AFF3: variants seen among roughly 807,000 people sequenced by gnomAD.
The protein encoded by AFF3 is AF4/FMR2 family member 3.
Under a neutral mutation model 129.7 loss-of-function variants are expected in AFF3, and 32 were observed. The observed-to-expected ratio is 0.25, with a 90% CI of 0.19 to 0.33. The LOEUF (loss-of-function observed/expected upper bound fraction) is 0.33, where lower values mean the gene tolerates loss of function less well. Among genes scored for constraint, AFF3 ranks in the 10% least tolerant of loss-of-function variants. The pLI is 1.00. For synonymous variants in AFF3, 644 were observed against 635.4 expected, an observed-to-expected ratio of 1.01 and a Z score of -0.20; for missense variants, 1,373 against 1,592.0, an observed-to-expected ratio of 0.86 and a Z score of 2.34.
At chr2:99,699,847 G>A (rs1312346658) in intron 11 of AFF3, among the ~76,000 whole-genome samples, 1 of 152,200 alleles carries the variant, frequency 6.6e-6, no homozygotes, top group Non-Finnish European at 1.5e-5. Context: ...GGCAACTGCT[G>A]AAAGGGAATC....
At chr2:99,999,334 G>A (rs535643609) in intron 7 of AFF3, among the ~76,000 whole-genome samples, 1 of 152,332 alleles carries the variant, frequency 6.6e-6, no homozygotes, top group Admixed American at 6.5e-5. Context: ...GATTACGGAG[G>A]CCCCAACACG....
chr2:99,881,365 A>C (rs1222341658), intron 7 of AFF3, among the ~76,000 whole-genome samples: 1 of 151,812 alleles, frequency 6.6e-6, no homozygotes, highest in African/African-American at 2.4e-5. Context: ...TCAAAATGTA[A>C]ATTAAATAGC....
chr2:100,056,149 C>A (rs73966411), intron 4 of AFF3, among the ~76,000 whole-genome samples: 8,145 of 151,458 alleles, frequency 0.054, 630 homozygotes, highest in African/African-American at 0.17. Context: ...TGTATTATCA[C>A]GCTAGTCACA....
At chr2:99,861,829 G>A (rs1033493543) in intron 7 of AFF3, among the ~76,000 whole-genome samples, 1 of 151,878 alleles carries the variant, frequency 6.6e-6, no homozygotes, top group African/African-American at 2.4e-5. Flanking sequence ...CATCCTAATT[G>A]GTGTTTTTGT....
At position 99,952,870 on chromosome 2, in the gene AFF3, A is replaced by G. The variant is rs1676294586; in HGVS notation, c.873+53762T>C. Among the ~76,000 whole-genome samples, 5 of 152,272 alleles carry G rather than the reference A, an allele frequency of 3.3e-5. No individual in the cohort carries two copies. The South Asian group carries it at 1.0e-3, about 32-fold the overall frequency. ...GCAAATCCTGCCTCTCGAACTTACTATGTGACCACAGGTGAGTTGTTGAAT... is the reference window on the plus strand; with the variant it reads ...GCAAATCCTGCCTCTCGAACTTACTGTGTGACCACAGGTGAGTTGTTGAAT... On this transcript the variant is annotated intron_variant, in intron 7 of 24. Coordinates refer to ENST00000672756, the MANE Select transcript of AFF3 (RefSeq NM_001386135.1).
chr2:100,140,569 T>C (rs1339007589), intron 1 of AFF3, among the ~76,000 whole-genome samples: 2 of 152,158 alleles, frequency 1.3e-5, no homozygotes, highest in Admixed American at 1.3e-4. Context: ...TAAGCATAAT[T>C]GCAATGGCTC....
intron 4 of AFF3, among the ~76,000 whole-genome samples, chr2:100,059,445 A>C (rs2105215594): frequency 6.6e-6 from 1 of 152,270 alleles, no homozygotes; most frequent in Admixed American, 6.5e-5. Context: ...AAGACACATA[A>C]TTAAAAAGTC....
intron 8 of AFF3, among the ~76,000 whole-genome samples, chr2:99,788,700 C>T (rs1162240207): frequency 1.3e-5 from 2 of 152,158 alleles, no homozygotes; most frequent in East Asian, 3.9e-4. Context: ...TCTAAGTTCA[C>T]AGTGTACAGT....
At chr2:99,911,555 T>C (rs758890204) in intron 7 of AFF3, among the ~76,000 whole-genome samples, 3 of 152,280 alleles carry the variant, frequency 2.0e-5, no homozygotes, top group Non-Finnish European at 2.9e-5. Flanking sequence ...CTAGGACTCA[T>C]ACTGAACTTT....
At chr2:99,820,091 A>C (rs930711474) in intron 8 of AFF3, among the ~76,000 whole-genome samples, 3 of 152,208 alleles carry the variant, frequency 2.0e-5, no homozygotes, top group Non-Finnish European at 4.4e-5. Context: ...GGAACTATCA[A>C]AGGCACAGTC....
intron 7 of AFF3, among the ~76,000 whole-genome samples, chr2:99,862,517 G>A (rs1054928501): frequency 2.0e-5 from 3 of 152,186 alleles, no homozygotes; most frequent in African/African-American, 7.2e-5. Flanking sequence ...TAATTTTTCA[G>A]GTGCATTTAC....
chr2:99,816,858 C>A (rs533640400), intron 8 of AFF3, among the ~76,000 whole-genome samples: 2 of 152,182 alleles, frequency 1.3e-5, no homozygotes, highest in South Asian at 4.2e-4. Flanking sequence ...TTGTGTTCTT[C>A]TTTTCTCCTC....
At chr2:99,615,238 C>A (rs1575512307) in intron 13 of AFF3, among the ~76,000 whole-genome samples, 2 of 152,292 alleles carry the variant, frequency 1.3e-5, no homozygotes, top group Non-Finnish European at 2.9e-5. Context: ...GGTAGAGGGC[C>A]CTGGAGGACG....
At chr2:100,011,957 C>G (rs1421063506) in intron 4 of AFF3, among the ~76,000 whole-genome samples, 1 of 152,032 alleles carries the variant, frequency 6.6e-6, no homozygotes, top group Non-Finnish European at 1.5e-5. Flanking sequence ...CCTGCCTCAT[C>G]CCCCAACCCC....
chr2:99,710,247 TTCAG>T (rs1677775531), intron 11 of AFF3, among the ~76,000 whole-genome samples: 1 of 152,166 alleles, frequency 6.6e-6, no homozygotes. Context: ...GCACACAGTA[TTCAG>T]TATTTGTTTT....
chr2:100,082,557 C>T (rs575196825), intron 4 of AFF3, among the ~76,000 whole-genome samples: 36 of 152,196 alleles, frequency 2.4e-4, no homozygotes, highest in Non-Finnish European at 4.3e-4. Context: ...GTCCTTCATC[C>T]TGCCTCAGCA....
chr2:99,868,314 A>G (rs1382350371), intron 7 of AFF3, among the ~76,000 whole-genome samples: 1 of 152,274 alleles, frequency 6.6e-6, no homozygotes. Flanking sequence ...AGCTAATTGT[A>G]TCTGCTAATC....
chr2:100,115,059 G>A (rs1018413109), intron 2 of AFF3, among the ~76,000 whole-genome samples: 1 of 152,212 alleles, frequency 6.6e-6, no homozygotes, highest in Non-Finnish European at 1.5e-5. Flanking sequence ...GAAACTGAGA[G>A]GAGGAGGAAA....
chr2:99,571,608 G>T (rs1284548436), intron 18 of AFF3, among the ~76,000 whole-genome samples: 1 of 152,178 alleles, frequency 6.6e-6, no homozygotes, highest in Non-Finnish European at 1.5e-5. Context: ...AGTAACCTGA[G>T]ATGCTAATAG....
Sources: gnomAD v4.1 joint callset for allele counts (sites outside exome capture counted in the v4.1 genomes callset) on GRCh38, gnomAD v4.1.1 for gene constraint, MANE v1.5 for transcripts, NCBI Gene and HGNC (gene_info 2026-07-23, HGNC 2026-07-21) for gene names.